The following CCSER1 variants were observed in gnomAD, a reference collection of about 807,000 sequenced individuals.
CCSER1 encodes the protein coiled-coil serine rich protein 1.
CCSER1 carries 41 observed loss-of-function variants against 82.0 expected under a neutral mutation model. The observed-to-expected ratio is 0.50, with a 90% confidence interval of 0.39 to 0.65. The LOEUF (loss-of-function observed/expected upper bound fraction) is 0.65. CCSER1 is among the 30% of genes least tolerant of loss of function. The probability of loss-of-function intolerance (pLI) is 0.00; values close to 1 mark genes in which losing one functional copy is unlikely to be tolerated. For missense variants in CCSER1, 1,119 were observed against 1,064.2 expected, an observed-to-expected ratio of 1.05 and a Z score of -0.72; for synonymous variants, 414 against 383.9, an observed-to-expected ratio of 1.08 and a Z score of -0.92.
At chr4:91,119,566 G>A (rs1025020816) in intron 10 of CCSER1, among the ~76,000 whole-genome samples, 2 of 151,920 alleles carry the variant, frequency 1.3e-5, no homozygotes, top group Admixed American at 6.6e-5. Context: ...AAACACAGTT[G>A]AGTCAATTTT....
chr4:90,835,196 T>C (rs1761641619), intron 8 of CCSER1, among the ~76,000 whole-genome samples: 1 of 151,954 alleles, frequency 6.6e-6, no homozygotes, highest in Non-Finnish European at 1.5e-5. Context: ...CCGGGCGTGG[T>C]GGTGGACGCC....
chr4:90,649,774 T>G, intron 6 of CCSER1: 1 of 152,290 alleles, frequency 6.6e-6, no homozygotes, highest in Non-Finnish European at 1.5e-5. Flanking sequence ...TTATAATAAC[T>G]ATAATACATT....
Position 90,357,794 on chromosome 4 carries a change from G to T in CCSER1, c.1510-42242G>T, listed in dbSNP as rs369375473. On this transcript the variant is annotated intron_variant, in intron 3 of 10. Transcript: ENST00000509176. ...CTATCCAATTGAAATGATTTAGAAG[G>T]TCAATTCTAAAACTATCGTGTCAGC... Among the ~76,000 whole-genome samples, 5 of 151,918 alleles carry T rather than the reference G, an allele frequency of 3.3e-5. No individual in the cohort carries two copies. In the East Asian group the frequency reaches 7.7e-4, roughly 23 times the overall value.
intron 1 of CCSER1, among the ~76,000 whole-genome samples, chr4:90,276,317 TTTTC>T (rs371973796): frequency 6.8e-4 from 77 of 113,374 alleles, no homozygotes; most frequent in Middle Eastern, 4.0e-3. Context: ...CTTTCTTTCT[TTTTC>T]TTTCTTTCTT....
At chr4:90,954,780 T>C (rs937518232) in intron 9 of CCSER1, among the ~76,000 whole-genome samples, 2 of 76,498 alleles carry the variant, frequency 2.6e-5, no homozygotes, top group Non-Finnish European at 6.6e-5. Flanking sequence ...GGGTATGCAG[T>C]ACATTTACTA....
At chr4:90,670,605 A>G (rs569723984) in intron 6 of CCSER1, among the ~76,000 whole-genome samples, 168 of 152,184 alleles carry the variant, frequency 1.1e-3, no homozygotes, top group African/African-American at 3.8e-3. Flanking sequence ...ACTATGAACT[A>G]TCAGCAGCCA....
intron 5 of CCSER1, among the ~76,000 whole-genome samples, chr4:90,488,603 A>G (rs377647513): frequency 2.4e-4 from 36 of 152,352 alleles, no homozygotes; most frequent in East Asian, 1.5e-3. Flanking sequence ...CCAAAATTGC[A>G]TAAGAAATAA....
chr4:91,149,043 T>C (rs2148947594), intron 10 of CCSER1, among the ~76,000 whole-genome samples: 1 of 152,254 alleles, frequency 6.6e-6, no homozygotes, highest in Admixed American at 6.5e-5. Context: ...TCTAGATCCT[T>C]GAGGAATTGC....
intron 6 of CCSER1, among the ~76,000 whole-genome samples, chr4:90,653,694 T>C (rs1201110479): frequency 6.6e-6 from 1 of 152,176 alleles, no homozygotes; most frequent in Non-Finnish European, 1.5e-5. Flanking sequence ...GCTTCATTTT[T>C]CACAAATTGT....
chr4:90,271,100 G>A (rs75826565), intron 1 of CCSER1, among the ~76,000 whole-genome samples: 1,634 of 151,892 alleles, frequency 0.011, 31 homozygotes, highest in African/African-American at 0.037. Context: ...AATTCCTCTC[G>A]AAATACCTAG....
chr4:91,573,517 T>G (rs1288900596), intron 10 of CCSER1, among the ~76,000 whole-genome samples: 2 of 152,124 alleles, frequency 1.3e-5, no homozygotes, highest in Admixed American at 1.3e-4. Flanking sequence ...AAGGCCCTGG[T>G]GGAGTGCAGT....
intron 1 of CCSER1, among the ~76,000 whole-genome samples, chr4:90,295,534 C>T (rs2153470392): frequency 6.6e-6 from 1 of 151,892 alleles, no homozygotes; most frequent in Non-Finnish European, 1.5e-5. Flanking sequence ...TTCTATTTCC[C>T]CGATTACTAA....
intron 10 of CCSER1, among the ~76,000 whole-genome samples, chr4:91,493,916 A>G (rs1447493839): frequency 6.6e-6 from 1 of 151,882 alleles, no homozygotes; most frequent in Non-Finnish European, 1.5e-5. Flanking sequence ...ATATTATTAT[A>G]TTATCTTTCC....
At chr4:90,230,355 C>T (rs1744217514) in intron 1 of CCSER1, among the ~76,000 whole-genome samples, 1 of 152,092 alleles carries the variant, frequency 6.6e-6, no homozygotes, top group African/African-American at 2.4e-5. Context: ...ACTGAACAAC[C>T]TGCTCCTGAA....
chr4:90,900,077 A>T, intron 8 of CCSER1, among the ~76,000 whole-genome samples: 1 of 145,418 alleles, frequency 6.9e-6, no homozygotes, highest in Admixed American at 6.9e-5. Context: ...TCTGCTGTGA[A>T]ACCCTCTGGT....
At chr4:91,546,993 A>G (rs146933604) in intron 10 of CCSER1, among the ~76,000 whole-genome samples, 4 of 125,106 alleles carry the variant, frequency 3.2e-5, no homozygotes, top group African/African-American at 9.0e-5. Context: ...TTTTTCACCC[A>G]TGTGCTATTT....
intron 10 of CCSER1, among the ~76,000 whole-genome samples, chr4:91,492,329 G>A (rs1448678495): frequency 6.6e-6 from 1 of 151,930 alleles, no homozygotes; most frequent in Non-Finnish European, 1.5e-5. Context: ...AGCCCAAAAG[G>A]GAGTTGCTGA....
intron 5 of CCSER1, among the ~76,000 whole-genome samples, chr4:90,499,922 A>T (rs1769601167): frequency 6.6e-6 from 1 of 152,166 alleles, no homozygotes; most frequent in South Asian, 2.1e-4. Context: ...ACAAACATGG[A>T]GGGACCAAAT....
intron 5 of CCSER1, among the ~76,000 whole-genome samples, chr4:90,485,763 CA>C (rs1766934902): frequency 6.6e-6 from 1 of 152,082 alleles, no homozygotes; most frequent in Non-Finnish European, 1.5e-5. Context: ...GTGTTCTTAT[CA>C]TTTAGTTCCC....
Sources: gnomAD v4.1 joint callset for allele counts (sites outside exome capture counted in the v4.1 genomes callset) on GRCh38, gnomAD v4.1.1 for gene constraint, MANE v1.5 for transcripts, NCBI Gene and HGNC (gene_info 2026-07-23, HGNC 2026-07-21) for gene names.